Variants in C6 observed in about 807,000 individuals in gnomAD.
C6 encodes the protein complement component C6.
A neutral mutation model predicts 112.9 loss-of-function variants in C6; 101 were observed. The ratio of observed to expected loss-of-function variants is 0.89; its 90% confidence interval spans 0.76 to 1.06. The LOEUF (loss-of-function observed/expected upper bound fraction) is 1.06, where lower values mean the gene tolerates loss of function less well. Among genes scored for constraint, C6 ranks in the 50% least tolerant of loss-of-function variants. The pLI is 0.00. For missense variants in C6, 1,202 were observed against 1,104.6 expected (o/e 1.09, Z -1.25); for synonymous variants, 431 against 384.1 (o/e 1.12, Z -1.43).
chr5:41,166,483 C>T (rs1311553776), intron 9 of C6, among the ~76,000 whole-genome samples: 1 of 152,072 alleles, frequency 6.6e-6, no homozygotes, highest in Non-Finnish European at 1.5e-5. Flanking sequence ...GTGCCTGGAG[C>T]ATAGCAAGAG....
At chr5:41,231,535 T>C (rs1412873506) in intron 1 of C6, among the ~76,000 whole-genome samples, 2 of 152,164 alleles carry the variant, frequency 1.3e-5, no homozygotes, top group African/African-American at 4.8e-5. Flanking sequence ...TCATAATACA[T>C]GTAATATCTA....
chr5:41,247,889 A>C (rs1314800359), intron 1 of C6, among the ~76,000 whole-genome samples: 1 of 152,190 alleles, frequency 6.6e-6, no homozygotes, highest in Non-Finnish European at 1.5e-5. Flanking sequence ...AATAAGCAAA[A>C]AAAACAAAGC....
intron 16 of C6, among the ~76,000 whole-genome samples, chr5:41,149,696 C>T (rs1746195956): frequency 6.6e-6 from 1 of 151,948 alleles, no homozygotes; most frequent in Non-Finnish European, 1.5e-5. Context: ...TCTTTAAAAC[C>T]AAAATGAGAC....
chr5:41,215,575 G>C (rs1217241906), upstream of C6, among the ~76,000 whole-genome samples: 4 of 152,076 alleles, frequency 2.6e-5, no homozygotes, highest in Admixed American at 2.6e-4. Flanking sequence ...CTGAAGTTTT[G>C]GCTGGTAACA....
intron 5 of C6, among the ~76,000 whole-genome samples, chr5:41,192,862 G>A (rs2150348593): frequency 6.6e-6 from 1 of 152,240 alleles, no homozygotes; most frequent in East Asian, 1.9e-4. Flanking sequence ...CCTAGGGTTA[G>A]GAGTCAGGTA....
chr5:41,169,161 G>C (rs1748218162), intron 9 of C6, among the ~76,000 whole-genome samples: 1 of 152,060 alleles, frequency 6.6e-6, no homozygotes, highest in African/African-American at 2.4e-5. Context: ...GAGAACCAGA[G>C]GAGGCAAATG....
rs1749355430 is a variant in C6, at chr5:41,181,576, GTAAAA to G, written c.727-22_727-18del. On this transcript the variant is annotated intron_variant, in intron 6 of 17. Transcript: ENST00000337836. ...AGTTTGTACCTGGAGAAAAATCCAT[GTAAAA>G]TAAAATATAATTTAGGAAATACTGG... The G allele has an allele frequency of 6.3e-7, 1 of 1,595,288 alleles. No homozygotes were observed. The highest frequency in any genetic ancestry group is 1.3e-5 in the African/African-American group (1 of 74,422).
At position 41,176,732 on chromosome 5, in the gene C6, A is replaced by G; in HGVS notation, c.928-17T>C. Reference sequence around the variant, plus strand: ...ACTAGAATCCTAAATGGAAGAAAGAAGTAAAAAGATGATTAAAGGTAATGA... The same window carrying G: ...ACTAGAATCCTAAATGGAAGAAAGAGGTAAAAAGATGATTAAAGGTAATGA... On this transcript the variant is annotated splice_polypyrimidine_tract_variant and intron_variant, in intron 7 of 17. Coordinates refer to ENST00000337836, the MANE Select transcript of C6 (RefSeq NM_000065.5). The G allele has an allele frequency of 6.2e-7, 1 of 1,604,182 alleles. No homozygotes were observed. Among genetic ancestry groups the G allele is most frequent in the Non-Finnish European group, 8.5e-7 (1 of 1,173,046 alleles).
intron 1 of C6, among the ~76,000 whole-genome samples, chr5:41,223,894 T>C (rs1293429978): frequency 6.6e-6 from 1 of 152,164 alleles, no homozygotes; most frequent in African/African-American, 2.4e-5. Context: ...ATCTCTTTAA[T>C]ATAGAGAGCA....
intron 6 of C6, among the ~76,000 whole-genome samples, chr5:41,182,265 CTTT>C (rs371104902): frequency 7.0e-6 from 1 of 141,952 alleles, no homozygotes; most frequent in African/African-American, 2.6e-5. Flanking sequence ...CCCCCCGCCC[CTTT>C]TTTTTTTTTT....
At chr5:41,193,939 G>A (rs916960908) in intron 5 of C6, among the ~76,000 whole-genome samples, 1 of 151,984 alleles carries the variant, frequency 6.6e-6, no homozygotes. Context: ...GAGAGGACTG[G>A]TTGTCCCGAG....
At chr5:41,194,472 G>C (rs1750455771) in intron 5 of C6, among the ~76,000 whole-genome samples, 1 of 152,038 alleles carries the variant, frequency 6.6e-6, no homozygotes. Context: ...GTGTCCTCGG[G>C]TTTGGTTCAA....
rs763257632 is a variant in C6 at position 41,159,187 on chromosome 5, G to T, written c.1751C>A (p.Ser584Ter). 3.1e-6 allele frequency: 5 copies of T among 1,613,368 alleles called. No homozygotes were observed. Among genetic ancestry groups the T allele is most frequent in the Non-Finnish European group, 4.2e-6 (5 of 1,179,690 alleles). ...WSTCDATYKR[S>*]RTRECNNPAP... ...AGGATTATTGCATTCTCGGGTTCTC[G>T]ATCTCTTATAAGTAGCATCACAGGT... The change falls in exon 12 of 18, where the codon TCG (serine) becomes TAG (stop). Residue 584 changes from serine to a stop codon, truncating the protein, a stop_gained. Coordinates refer to ENST00000337836, the MANE Select transcript of C6 (RefSeq NM_000065.5). LOFTEE classifies it high-confidence loss of function.
chr5:41,191,836 A>T (rs1478454011), intron 5 of C6, among the ~76,000 whole-genome samples: 1 of 151,740 alleles, frequency 6.6e-6, no homozygotes, highest in Non-Finnish European at 1.5e-5. Context: ...GCTATAAAAG[A>T]TAATGTCATC....
At chr5:41,162,356 G>C (rs1205104068) in intron 9 of C6, among the ~76,000 whole-genome samples, 1 of 152,112 alleles carries the variant, frequency 6.6e-6, no homozygotes, top group African/African-American at 2.4e-5. Context: ...CCAGTCAATT[G>C]ACTGTCATGG....
intron 9 of C6, among the ~76,000 whole-genome samples, chr5:41,163,632 T>C (rs1404954872): frequency 6.6e-6 from 1 of 152,184 alleles, no homozygotes; most frequent in African/African-American, 2.4e-5. Flanking sequence ...TTTAAGTGTG[T>C]GCAGCCACTA....
At chr5:41,225,617 G>T (rs1278446971) in intron 1 of C6, among the ~76,000 whole-genome samples, 1 of 152,078 alleles carries the variant, frequency 6.6e-6, no homozygotes, top group African/African-American at 2.4e-5. Flanking sequence ...TGTATTTCTA[G>T]TTCTAGATCC....
At chr5:41,172,752 C>A (rs959005675) in intron 8 of C6, 2 of 285,038 alleles carry the variant, frequency 7.0e-6, no homozygotes, top group Non-Finnish European at 1.4e-5. Context: ...AAGATTATGA[C>A]GTGCTCTGAT....
intron 7 of C6, among the ~76,000 whole-genome samples, chr5:41,177,361 CTT>C (rs1273228293): frequency 1.3e-5 from 2 of 152,116 alleles, no homozygotes; most frequent in African/African-American, 2.4e-5. Flanking sequence ...TGTTTACAAA[CTT>C]ATTTATTTAT....
Sources: gnomAD v4.1 joint callset for allele counts (sites outside exome capture counted in the v4.1 genomes callset) on GRCh38, gnomAD v4.1.1 for gene constraint, MANE v1.5 for transcripts, NCBI Gene and HGNC (gene_info 2026-07-23, HGNC 2026-07-21) for gene names.